Variants in PALM2AKAP2 observed in about 807,000 individuals in gnomAD.
PALM2AKAP2 encodes the protein PALM2 and AKAP2 fusion.
Under a neutral mutation model 71.5 loss-of-function variants are expected in PALM2AKAP2, and 37 were observed. The observed-to-expected ratio is 0.52, with a 90% CI of 0.40 to 0.68. The LOEUF is 0.68. PALM2AKAP2 is among the 30% of genes least tolerant of loss of function. PALM2AKAP2 has a pLI of 0.00. For synonymous variants in PALM2AKAP2, 468 were observed against 478.8 expected (o/e 0.98, Z 0.29); for missense variants, 1,224 against 1,191.8 (o/e 1.03, Z -0.40).
chr9:110,062,089 TA>T lies in PALM2AKAP2; in HGVS notation c.156+13241del, dbSNP rs111524147. The stretch of plus-strand genomic sequence containing the variant: ...ACAAAGGCTTACAAAAAAATAGCAT[TA>T]AAAAAATTTTATTTTAAGTTCCAGG... On this transcript the variant is annotated intron_variant, in intron 1 of 3. Coordinates refer to ENST00000374525, the Ensembl canonical transcript of PALM2AKAP2. Among the ~76,000 whole-genome samples, 834 of 152,196 alleles carry T rather than the reference TA, an allele frequency of 5.5e-3. 8 individuals carry two copies. The highest frequency in any genetic ancestry group is 0.027 in the Middle Eastern group (8 of 294).
intron 1 of PALM2AKAP2, among the ~76,000 whole-genome samples, chr9:109,837,605 C>T (rs1828517994): frequency 6.6e-6 from 1 of 152,018 alleles, no homozygotes. Context: ...AGAGTCAAGA[C>T]CTATCAGTGT....
intron 3 of PALM2AKAP2, among the ~76,000 whole-genome samples, chr9:109,911,025 A>AG (rs545646565): frequency 1.0e-3 from 158 of 152,188 alleles, no homozygotes; most frequent in African/African-American, 3.7e-3. Flanking sequence ...CACAGGGGAG[A>AG]GGGGATAGTT....
intron 3 of PALM2AKAP2, among the ~76,000 whole-genome samples, chr9:109,917,776 G>A (rs1830728275): frequency 6.6e-6 from 1 of 152,148 alleles, no homozygotes; most frequent in Non-Finnish European, 1.5e-5. Flanking sequence ...TTACAGGCAT[G>A]AGCCACCGCA....
intron 1 of PALM2AKAP2, among the ~76,000 whole-genome samples, chr9:109,650,827 TGAA>T (rs1163400768): frequency 4.6e-5 from 7 of 152,244 alleles, no homozygotes; most frequent in African/African-American, 1.7e-4. Flanking sequence ...TTTGAGTTAA[TGAA>T]TCAATGAATC....
At chr9:110,087,847 C>CA (rs1834609358) in intron 1 of PALM2AKAP2, among the ~76,000 whole-genome samples, 1 of 152,100 alleles carries the variant, frequency 6.6e-6, no homozygotes, top group South Asian at 2.1e-4. Flanking sequence ...AGGAGGGAAG[C>CA]AAACACAGAG....
chr9:110,135,164 A>AAAAAAAAAATATATATATATATATATAT, intron 1 of PALM2AKAP2, among the ~76,000 whole-genome samples: 3 of 51,722 alleles, frequency 5.8e-5, no homozygotes, highest in African/African-American at 7.3e-5. Flanking sequence ...AAAAAAAAAA[A>AAAAAAAAAATATATATATATATATATAT]ATATATAAAT....
chr9:109,794,468 T>G (rs1224498785), intron 1 of PALM2AKAP2, among the ~76,000 whole-genome samples: 1 of 151,884 alleles, frequency 6.6e-6, no homozygotes, highest in Non-Finnish European at 1.5e-5. Flanking sequence ...CAGGGAACTT[T>G]AAGCACACTT....
At chr9:109,841,089 TCA>T (rs1437971630) in intron 1 of PALM2AKAP2, among the ~76,000 whole-genome samples, 2 of 152,132 alleles carry the variant, frequency 1.3e-5, no homozygotes, top group African/African-American at 2.4e-5. Flanking sequence ...GTGACACTAT[TCA>T]CAATAGCAAA....
intron 1 of PALM2AKAP2, among the ~76,000 whole-genome samples, chr9:110,083,083 G>C (rs769526823): frequency 2.6e-5 from 4 of 152,218 alleles, no homozygotes; most frequent in Non-Finnish European, 4.4e-5. Context: ...GGAGGTTGTG[G>C]TGAGTCAAGA....
At chr9:110,137,494 C>T (rs780820235) in exon 2 of PALM2AKAP2, 68 of 1,613,960 alleles carry the variant, frequency 4.2e-5, no homozygotes, top group Non-Finnish European at 5.1e-5. Flanking sequence ...GGCCCTACAG[C>T]GAGCCTTCTA....
intron 1 of PALM2AKAP2, among the ~76,000 whole-genome samples, chr9:109,684,339 G>T (rs1020188279): frequency 6.6e-6 from 1 of 152,134 alleles, no homozygotes. Flanking sequence ...AGTTTCTAAT[G>T]CGCTAATGCC....
intron 2 of PALM2AKAP2, among the ~76,000 whole-genome samples, chr9:109,872,466 G>T (rs146575001): frequency 6.6e-6 from 1 of 152,154 alleles, no homozygotes; most frequent in Non-Finnish European, 1.5e-5. Context: ...ATTTACAAAG[G>T]TTTGCCTGAC....
At position 109,817,635 on chromosome 9, in the gene PALM2AKAP2, C is replaced by A. The variant is rs76084553; in HGVS notation, c.45+37102C>A. Among the ~76,000 whole-genome samples the A allele has an allele frequency of 2.5e-3, 387 of 152,270 alleles. 3 individuals are homozygous for A. Among genetic ancestry groups the A allele is most frequent in the East Asian group, 0.012 (63 of 5,186 alleles). ...AATTCAGAAAGCAAATAGTTGGTCACCTTAGAGCCCAGAGGGATGCTCAGA... is the reference window on the plus strand; with the variant it reads ...AATTCAGAAAGCAAATAGTTGGTCAACTTAGAGCCCAGAGGGATGCTCAGA... On this transcript the variant is annotated intron_variant, in intron 1 of 9. Coordinates refer to the PALM2AKAP2 transcript ENST00000302798.
intron 1 of PALM2AKAP2, among the ~76,000 whole-genome samples, chr9:109,666,721 G>C (rs1827490884): frequency 6.6e-6 from 1 of 152,152 alleles, no homozygotes; most frequent in South Asian, 2.1e-4. Flanking sequence ...AGAAGCCTTG[G>C]GAGTCAGCAG....
chr9:110,059,088 CA>C (rs1009460009), intron 1 of PALM2AKAP2, among the ~76,000 whole-genome samples: 5 of 152,010 alleles, frequency 3.3e-5, no homozygotes, highest in African/African-American at 1.2e-4. Flanking sequence ...TGGGTAGAGA[CA>C]GGGTTTCACC....
chr9:109,983,059 C>G (rs934466178), intron 6 of PALM2AKAP2, among the ~76,000 whole-genome samples: 1 of 152,168 alleles, frequency 6.6e-6, no homozygotes, highest in African/African-American at 2.4e-5. Context: ...CACGTAGCCT[C>G]ACCTACTTCA....
chr9:110,029,108 T>C (rs1369948746), intron 7 of PALM2AKAP2, among the ~76,000 whole-genome samples: 2 of 152,218 alleles, frequency 1.3e-5, no homozygotes, highest in East Asian at 3.9e-4. Flanking sequence ...ATCTGATCCA[T>C]GCCAAGATTT....
chr9:109,691,586 C>T (rs901171208), intron 1 of PALM2AKAP2, among the ~76,000 whole-genome samples: 2 of 151,656 alleles, frequency 1.3e-5, no homozygotes, highest in Non-Finnish European at 2.9e-5. Flanking sequence ...TGACCTTTCT[C>T]TCCCCATAAT....
intron 1 of PALM2AKAP2, among the ~76,000 whole-genome samples, chr9:110,094,676 C>T (rs146248086): frequency 6.9e-4 from 29 of 41,838 alleles, no homozygotes; most frequent in African/African-American, 2.4e-3. Context: ...GGCGGGGGGG[C>T]GGGTAATCTG....
Sources: allele counts gnomAD v4.1 joint callset (sites outside exome capture counted in the v4.1 genomes callset), GRCh38; gene constraint gnomAD v4.1.1; transcripts MANE v1.5; gene names NCBI Gene and HGNC (gene_info 2026-07-23, HGNC 2026-07-21).